ENPP6: variants seen among roughly 807,000 people sequenced by gnomAD.
ENPP6 encodes the protein ectonucleotide pyrophosphatase/phosphodiesterase 6, also known as glycerophosphocholine cholinephosphodiesterase ENPP6.
ENPP6 carries 32 observed loss-of-function variants against 42.0 expected under a neutral mutation model. The observed-to-expected ratio is 0.76, with a 90% CI of 0.58 to 1.02. The LOEUF is 1.02. Among genes scored for constraint, ENPP6 ranks in the 50% least tolerant of loss-of-function variants. The pLI is 0.00. For missense variants in ENPP6, 552 were observed against 566.8 expected (o/e 0.97, Z 0.27); for synonymous variants, 213 against 216.0 (o/e 0.99, Z 0.12).
chr4:184,136,660 C>T (rs1736734380), intron 2 of ENPP6, among the ~76,000 whole-genome samples: 1 of 152,184 alleles, frequency 6.6e-6, no homozygotes, highest in East Asian at 1.9e-4. Flanking sequence ...TTTTGAGGAT[C>T]TCATTCCATT....
chr4:184,181,732 C>A (rs571699966), intron 1 of ENPP6, among the ~76,000 whole-genome samples: 24 of 152,272 alleles, frequency 1.6e-4, no homozygotes, highest in African/African-American at 5.3e-4. Context: ...TGATCTTTGA[C>A]AAACCTGACA....
chr4:184,205,503 C>T (rs946050331), intron 1 of ENPP6, among the ~76,000 whole-genome samples: 7 of 152,218 alleles, frequency 4.6e-5, no homozygotes, highest in African/African-American at 1.4e-4. Context: ...GTGGTGGGAG[C>T]GAGGCCCCGA....
At chr4:184,118,214 A>G (rs1420489017) in intron 3 of ENPP6, among the ~76,000 whole-genome samples, 1 of 152,200 alleles carries the variant, frequency 6.6e-6, no homozygotes, top group East Asian at 1.9e-4. Context: ...GTACGTGCAC[A>G]TTTAGCATTT....
chr4:184,191,136 G>C (rs1391887827), intron 1 of ENPP6, among the ~76,000 whole-genome samples: 1 of 152,242 alleles, frequency 6.6e-6, no homozygotes, highest in South Asian at 2.1e-4. Context: ...TGGCGGCCCT[G>C]AGAGCTGCTT....
intron 1 of ENPP6, among the ~76,000 whole-genome samples, chr4:184,204,328 C>G (rs764452590): frequency 6.6e-6 from 1 of 152,170 alleles, no homozygotes. Flanking sequence ...TAGCTCCTTG[C>G]GATGCTGGCA....
At chr4:184,124,958 A>G (rs563310776) in intron 2 of ENPP6, among the ~76,000 whole-genome samples, 50 of 152,364 alleles carry the variant, frequency 3.3e-4, no homozygotes, top group African/African-American at 1.1e-3. Context: ...ATTAGGGAAC[A>G]TAGAACAGGA....
rs1325900501 is a variant in ENPP6 at position 184,089,370 on chromosome 4, T to G, written c.*1807A>C. 1 of 152,216 alleles carries G rather than the reference T, an allele frequency of 6.6e-6. No individual in the cohort carries two copies. 9.4% of individuals were successfully genotyped at this position (152,216 alleles called of 1,614,324 possible). On this transcript the variant is annotated 3_prime_UTR_variant, in exon 8 of 8. Coordinates refer to ENST00000296741, the MANE Select transcript of ENPP6 (RefSeq NM_153343.4). Reference sequence around the variant, plus strand: ...ATTCAGTTTTCAAGGTAACACACCATATAAGGCCTCCATCGTCCTGAGGAG... The same window carrying G: ...ATTCAGTTTTCAAGGTAACACACCAGATAAGGCCTCCATCGTCCTGAGGAG...
intron 3 of ENPP6, among the ~76,000 whole-genome samples, chr4:184,121,273 TG>T (rs1736412590): frequency 6.6e-6 from 1 of 152,236 alleles, no homozygotes; most frequent in South Asian, 2.1e-4. Context: ...TTATGAGCAC[TG>T]GAAGGAATGC....
chr4:184,203,817 T>G (rs1732943413), intron 1 of ENPP6, among the ~76,000 whole-genome samples: 1 of 152,172 alleles, frequency 6.6e-6, no homozygotes, highest in African/African-American at 2.4e-5. Flanking sequence ...CCAGAAACTC[T>G]CAGTGAGTAG....
At chr4:184,143,805 T>A (rs569981988) in intron 2 of ENPP6, among the ~76,000 whole-genome samples, 1 of 152,306 alleles carries the variant, frequency 6.6e-6, no homozygotes, top group South Asian at 2.1e-4. Context: ...CTGGAATCCA[T>A]GTTCTGGCTT....
chr4:184,130,296 T>C (rs4862318), intron 2 of ENPP6, among the ~76,000 whole-genome samples: 98,667 of 150,184 alleles, frequency 0.66, 32,693 homozygotes, highest in South Asian at 0.68. Context: ...CGGTGGCTCA[T>C]GCCTGTAATC....
In ENPP6 at chr4:184,089,232, TTAGAAA is replaced by T. The variant is rs1291733069; in HGVS notation, c.*1939_*1944del. On this transcript the variant is annotated 3_prime_UTR_variant, in exon 8 of 8. Coordinates refer to ENST00000296741, the MANE Select transcript of ENPP6 (RefSeq NM_153343.4). ...CTTTTAAAACACATTACATAAATCT[TTAGAAA>T]TCTTTTGTGAAGGTAAATTCAGTAT... The T allele has an allele frequency of 6.6e-6, 1 of 152,198 alleles. No individual in the cohort carries two copies. The allele number at this position is 152,198 out of a possible 1,614,324, so 9.4% of individuals were successfully genotyped here. A position where few individuals can be genotyped will look rare whatever the true frequency, so the allele number is the denominator to read the frequency against.
chr4:184,119,911 G>A (rs1257194330), intron 3 of ENPP6, among the ~76,000 whole-genome samples: 1 of 152,196 alleles, frequency 6.6e-6, no homozygotes, highest in East Asian at 1.9e-4. Flanking sequence ...GGCCTCCCCA[G>A]CCCTGTAGAA....
At position 184,205,679 on chromosome 4, in the gene ENPP6, CT is replaced by C. The variant is rs573262671; in HGVS notation, c.241+11899del. 2.7e-4 allele frequency among the ~76,000 whole-genome samples: 41 copies of C among 152,244 alleles called. 1 individual carries two copies. The South Asian group carries it at 8.3e-3, about 31-fold the overall frequency. On this transcript the variant is annotated intron_variant, in intron 1 of 7. Coordinates refer to ENST00000296741, the MANE Select transcript of ENPP6 (RefSeq NM_153343.4). Reference sequence around the variant, plus strand: ...GCACTGCTTTCAAAACAGGGCTGCTCTAGTTGTGGGGCAGGCAGCGAGAGGG... The same window carrying C: ...GCACTGCTTTCAAAACAGGGCTGCTCAGTTGTGGGGCAGGCAGCGAGAGGG...
At chr4:184,155,375 T>C (rs1737140163) in intron 1 of ENPP6, among the ~76,000 whole-genome samples, 1 of 152,214 alleles carries the variant, frequency 6.6e-6, no homozygotes, top group Admixed American at 6.5e-5. Flanking sequence ...ATAACCATGA[T>C]CATATCTGTA....
At chr4:184,206,243 A>C (rs56149643) in intron 1 of ENPP6, among the ~76,000 whole-genome samples, 20,606 of 138,038 alleles carry the variant, frequency 0.15, 2,230 homozygotes, top group South Asian at 0.3. Flanking sequence ...CCCTCAAAGG[A>C]AGCTTGAATT....
chr4:184,212,467 C>A (rs2111125877), intron 1 of ENPP6, among the ~76,000 whole-genome samples: 1 of 150,512 alleles, frequency 6.6e-6, no homozygotes, highest in South Asian at 2.1e-4. Context: ...AGAGCCAAAT[C>A]ATGAGTGAAC....
At chr4:184,193,515 G>T (rs1000899932) in intron 1 of ENPP6, among the ~76,000 whole-genome samples, 1 of 152,182 alleles carries the variant, frequency 6.6e-6, no homozygotes, top group Non-Finnish European at 1.5e-5. Context: ...TCCTTTTGGG[G>T]TGATAAAAAT....
intron 1 of ENPP6, among the ~76,000 whole-genome samples, chr4:184,177,342 T>C (rs377270691): frequency 6.1e-4 from 93 of 151,980 alleles, no homozygotes; most frequent in South Asian, 3.5e-3. Flanking sequence ...CAGGCAGGGG[T>C]TTAGGGATAG....
Sources: gnomAD v4.1 joint callset for allele counts (sites outside exome capture counted in the v4.1 genomes callset) on GRCh38, gnomAD v4.1.1 for gene constraint, MANE v1.5 for transcripts, NCBI Gene and HGNC (gene_info 2026-07-23, HGNC 2026-07-21) for gene names.